The following DNAI4 variants were observed in gnomAD, a reference collection of about 807,000 sequenced individuals.
DNAI4 encodes the protein dynein axonemal intermediate chain 4.
Under a neutral mutation model 105.8 loss-of-function variants are expected in DNAI4, and 85 were observed. That is an observed-to-expected ratio of 0.80 (90% CI 0.67 to 0.96). The LOEUF (loss-of-function observed/expected upper bound fraction) is 0.96, where lower values mean the gene tolerates loss of function less well. Among genes scored for constraint, DNAI4 ranks in the 40% least tolerant of loss-of-function variants. The probability of loss-of-function intolerance (pLI) is 0.00; values close to 1 mark genes in which losing one functional copy is unlikely to be tolerated. For missense variants in DNAI4, 1,014 were observed against 1,005.6 expected (o/e 1.01, Z -0.11); for synonymous variants, 352 against 331.5 (o/e 1.06, Z -0.67).
intron 2 of DNAI4, among the ~76,000 whole-genome samples, chr1:66,896,213 T>C (rs1648326304): frequency 6.6e-6 from 1 of 152,214 alleles, no homozygotes; most frequent in Admixed American, 6.5e-5. Flanking sequence ...TTTAATAGCT[T>C]CCAGTTTTCA....
intron 9 of DNAI4, among the ~76,000 whole-genome samples, chr1:66,838,803 CT>C (rs1301637058): frequency 6.6e-6 from 1 of 152,208 alleles, no homozygotes; most frequent in Non-Finnish European, 1.5e-5. Flanking sequence ...ATTACTTTCT[CT>C]AAGAAACATT....
intron 10 of DNAI4, among the ~76,000 whole-genome samples, chr1:66,836,955 C>T (rs1646038176): frequency 6.6e-6 from 1 of 152,140 alleles, no homozygotes; most frequent in Non-Finnish European, 1.5e-5. Context: ...TATTCATTCT[C>T]TTTGAAAAAT....
chr1:66,860,766 A>G (rs1048934357), intron 7 of DNAI4: 11 of 152,140 alleles, frequency 7.2e-5, no homozygotes, highest in Non-Finnish European at 1.2e-4. Context: ...TCGATCTAAT[A>G]TAAAGTCCCA....
chr1:66,862,426 C>T (rs771460267), intron 6 of DNAI4, 124 bp from the exon 7 acceptor site: 32 of 1,036,880 alleles, frequency 3.1e-5, no homozygotes, highest in Admixed American at 6.1e-5. Flanking sequence ...TGCAGTTGCC[C>T]GTGCCAGCTA....
At chr1:66,870,597 A>T (rs1383823476) in intron 6 of DNAI4, among the ~76,000 whole-genome samples, 1 of 150,596 alleles carries the variant, frequency 6.6e-6, no homozygotes, top group Non-Finnish European at 1.5e-5. Context: ...TAAAAATACA[A>T]AAATTCGCCG....
intron 13 of DNAI4, among the ~76,000 whole-genome samples, chr1:66,833,167 T>C (rs1645903328): frequency 6.6e-6 from 1 of 152,126 alleles, no homozygotes; most frequent in Admixed American, 6.5e-5. Context: ...CATTCCACCT[T>C]AGGTTAGCAG....
At chr1:66,920,272 C>CGTTCT (rs1553232990) in intron 1 of DNAI4, among the ~76,000 whole-genome samples, 1 of 152,120 alleles carries the variant, frequency 6.6e-6, no homozygotes, top group Non-Finnish European at 1.5e-5. Context: ...ATTACCTTCC[C>CGTTCT]GTTCTGTCCC....
At chr1:66,891,881 T>C (rs547843768) in intron 3 of DNAI4, among the ~76,000 whole-genome samples, 4 of 152,318 alleles carry the variant, frequency 2.6e-5, no homozygotes, top group African/African-American at 9.6e-5. Context: ...TTCATCTTCA[T>C]TATTAGTCTT....
chr1:66,914,726 GT>G (rs1235205389), intron 1 of DNAI4, among the ~76,000 whole-genome samples: 1 of 151,936 alleles, frequency 6.6e-6, no homozygotes, highest in Non-Finnish European at 1.5e-5. Context: ...AAAAAAAAAG[GT>G]TTTTATGAAC....
rs975667619 is a variant in DNAI4 at position 66,852,383 on chromosome 1, A to C, written c.1097-4705T>G. Among the ~76,000 whole-genome samples, 10 of 152,138 alleles carry C rather than the reference A, an allele frequency of 6.6e-5. No individual in the cohort carries two copies. In the East Asian group the frequency reaches 1.9e-3, roughly 29 times the overall value. On this transcript the variant is annotated intron_variant, in intron 7 of 16. Transcript: ENST00000371026. The stretch of plus-strand genomic sequence containing the variant: ...AGAATACTTGCTCATTCATTTTATG[A>C]AACTATTATAATAAAGTGAAACAAA...
intron 15 of DNAI4, 68 bp downstream of exon 15, chr1:66,826,752 A>G: frequency 7.0e-7 from 1 of 1,431,382 alleles, no homozygotes; most frequent in Non-Finnish European, 9.7e-7. Flanking sequence ...ACTGGTGTCA[A>G]AACTATCAGG....
intron 6 of DNAI4, among the ~76,000 whole-genome samples, chr1:66,862,765 G>T (rs776021103): frequency 1.3e-5 from 2 of 152,090 alleles, no homozygotes; most frequent in Non-Finnish European, 2.9e-5. Context: ...AATATTTTCT[G>T]ACCATCACAC....
In DNAI4 at chr1:66,827,475, T is replaced by G. The variant is rs140522769; in HGVS notation, c.2112+337A>C. On this transcript the variant is annotated intron_variant, in intron 14 of 16. Coordinates refer to ENST00000371026, the MANE Select transcript of DNAI4 (RefSeq NM_024763.5). ...AGTTCAAGGTCAGCCTGGGTAACAGTGAGACCCATCTCTTAAAAAAAACAT... is the reference window on the plus strand; with the variant it reads ...AGTTCAAGGTCAGCCTGGGTAACAGGGAGACCCATCTCTTAAAAAAAACAT... 1.4e-4 allele frequency among the ~76,000 whole-genome samples: 22 copies of G among 152,076 alleles called. No homozygotes were observed. The East Asian group carries it at 4.3e-3, about 29-fold the overall frequency.
At chr1:66,899,201 C>T (rs957344935) in intron 2 of DNAI4, among the ~76,000 whole-genome samples, 6 of 152,158 alleles carry the variant, frequency 3.9e-5, no homozygotes, top group South Asian at 2.1e-4. Context: ...TACAAAGTGG[C>T]TAATTTATAT....
intron 6 of DNAI4, 103 bp downstream of exon 6, chr1:66,871,267 T>A (rs1646839679): frequency 2.7e-6 from 3 of 1,127,676 alleles, no homozygotes; most frequent in Admixed American, 3.1e-5. Flanking sequence ...CCAAATTATT[T>A]TTATTTTTGC....
In DNAI4 at chr1:66,826,877, T is replaced by C. The variant is rs922058638; in HGVS notation, c.2282A>G (p.Tyr761Cys). 8 of 1,613,994 alleles carry C rather than the reference T, an allele frequency of 5.0e-6. No individual in the cohort carries two copies. Among genetic ancestry groups the C allele is most frequent in the South Asian group, 2.2e-5 (2 of 91,082 alleles). The change falls in exon 15 of 17, where the codon TAT becomes TGT. Residue 761 changes from tyrosine to cysteine, a missense_variant. Transcript: ENST00000371026. ...YDVAWSPKSS[Y>C]IFAAANENRV... ...GTTCTCATTTGCAGCTGCAAATATA[T>C]AGGATGATTTTGGAGACCAGGCAAC...
intron 1 of DNAI4, among the ~76,000 whole-genome samples, chr1:66,914,860 C>T (rs1452013325): frequency 6.6e-6 from 1 of 152,010 alleles, no homozygotes; most frequent in African/African-American, 2.4e-5. Context: ...AATAAAAGCA[C>T]TTAAATCAGG....
At position 66,838,368 on chromosome 1, in the gene DNAI4, A is replaced by T. The variant is rs1338955421; in HGVS notation, c.1495-572T>A. 2.6e-5 allele frequency among the ~76,000 whole-genome samples: 4 copies of T among 152,214 alleles called. No homozygotes were observed. The East Asian group carries it at 7.7e-4, about 29-fold the overall frequency. ...AGAGGTCTCTCTCTGCCATGTGAGGACACAGTGAAAAGGCAGCCACTGCAA... is the reference window on the plus strand; with the variant it reads ...AGAGGTCTCTCTCTGCCATGTGAGGTCACAGTGAAAAGGCAGCCACTGCAA... On this transcript the variant is annotated intron_variant, in intron 9 of 16. Coordinates refer to ENST00000371026, the MANE Select transcript of DNAI4 (RefSeq NM_024763.5).
Position 66,827,831 on chromosome 1 carries a change from T to C in DNAI4, c.2093A>G (p.Asp698Gly). 1 of 1,594,572 alleles carries C rather than the reference T, an allele frequency of 6.3e-7. No individual in the cohort carries two copies. The highest frequency in any genetic ancestry group is 8.6e-7 in the Non-Finnish European group (1 of 1,169,168). Reference protein sequence around the residue: ...CSCSYNEQYLDTYRGHKGPVY... With the variant: ...CSCSYNEQYLGTYRGHKGPVY... The stretch of plus-strand genomic sequence containing the variant: ...ACTAACCTTATGTCCTCTGTAGGTA[T>C]CTAAGTATTGTTCATTATATGAACA... Residue 698 changes from aspartate (D) to glycine (G), a missense_variant, in exon 14 of 17, where the codon GAT becomes GGT. Physicochemically the swap from Asp to Gly is moderately conservative, Grantham distance 94. Coordinates refer to ENST00000371026, the MANE Select transcript of DNAI4 (RefSeq NM_024763.5).
Sources: allele counts gnomAD v4.1 joint callset (sites outside exome capture counted in the v4.1 genomes callset), GRCh38; gene constraint gnomAD v4.1.1; transcripts MANE v1.5; gene names NCBI Gene and HGNC (gene_info 2026-07-23, HGNC 2026-07-21).